Variants in SOX5 observed in about 807,000 individuals in gnomAD.
The protein encoded by SOX5 is SRY-box transcription factor 5.
In SOX5, 9 loss-of-function variants were observed where a neutral mutation model predicts 92.0. That is an observed-to-expected ratio of 0.10 (90% CI 0.06 to 0.17). The LOEUF (loss-of-function observed/expected upper bound fraction) is 0.17, where lower values mean the gene tolerates loss of function less well. Ranked by LOEUF, SOX5 falls within the 10% of genes least tolerant of loss-of-function variation. The pLI is 1.00. For synonymous variants in SOX5, 344 were observed against 336.3 expected, an observed-to-expected ratio of 1.02 and a Z score of -0.25; for missense variants, 642 against 944.5, an observed-to-expected ratio of 0.68 and a Z score of 4.20.
At chr12:23,780,143 A>T (rs2141738120) in intron 3 of SOX5, among the ~76,000 whole-genome samples, 1 of 152,106 alleles carries the variant, frequency 6.6e-6, no homozygotes, top group South Asian at 2.1e-4. Flanking sequence ...CAATCTGAAT[A>T]CTGGACATTT....
Position 24,506,892 on chromosome 12 carries a change from A to G in SOX5, c.-251+55437T>C, listed in dbSNP as rs188142231. ...TGTAAGCTCCGCCTCCCGGGTTCACACCATTCTCCTGCCTCAGCCTCCCAA... is the reference window on the plus strand; with the variant it reads ...TGTAAGCTCCGCCTCCCGGGTTCACGCCATTCTCCTGCCTCAGCCTCCCAA... On this transcript the variant is annotated intron_variant, in intron 1 of 4. Transcript: ENST00000446891. Among the ~76,000 whole-genome samples the G allele has an allele frequency of 3.9e-3, 556 of 142,348 alleles. 4 individuals are homozygous for G. Among genetic ancestry groups the G allele is most frequent in the African/African-American group, 0.012 (457 of 37,832 alleles). 93.4% of individuals were successfully genotyped at this position (142,348 alleles called of 152,430 possible).
intron 6 of SOX5, among the ~76,000 whole-genome samples, chr12:23,733,507 G>A (rs751817650): frequency 1.3e-5 from 2 of 151,980 alleles, no homozygotes; most frequent in African/African-American, 2.4e-5. Context: ...AAATGTCCTC[G>A]GCTGGAACAT....
At chr12:23,689,988 G>C (rs187181575) in intron 6 of SOX5, among the ~76,000 whole-genome samples, 1 of 152,140 alleles carries the variant, frequency 6.6e-6, no homozygotes, top group African/African-American at 2.4e-5. Context: ...CATTCAACAT[G>C]AATAAAACTG....
intron 3 of SOX5, among the ~76,000 whole-genome samples, chr12:23,768,060 G>A (rs1273713185): frequency 6.6e-6 from 1 of 152,038 alleles, no homozygotes; most frequent in African/African-American, 2.4e-5. Flanking sequence ...TTCCTAATGA[G>A]TCACCCATTT....
intron 2 of SOX5, among the ~76,000 whole-genome samples, chr12:23,869,017 C>A (rs2096845174): frequency 6.6e-6 from 1 of 151,984 alleles, no homozygotes; most frequent in Non-Finnish European, 1.5e-5. Flanking sequence ...CAGGTCAGGC[C>A]CATTCTTATA....
intron 1 of SOX5, among the ~76,000 whole-genome samples, chr12:24,411,508 T>C (rs1964076484): frequency 6.6e-6 from 1 of 152,198 alleles, no homozygotes; most frequent in Non-Finnish European, 1.5e-5. Flanking sequence ...TGAGAGTTTT[T>C]CTCATAAATG....
At chr12:23,604,152 A>C in intron 9 of SOX5, 1 of 424,216 alleles carries the variant, frequency 2.4e-6, no homozygotes, top group East Asian at 3.7e-5. Flanking sequence ...AATCTTTTTT[A>C]TCTCTCACAT....
At chr12:24,342,656 A>G (rs376903768) in intron 2 of SOX5, among the ~76,000 whole-genome samples, 1 of 152,108 alleles carries the variant, frequency 6.6e-6, no homozygotes, top group East Asian at 1.9e-4. Context: ...GCCTTAGTTT[A>G]GAAATGCATC....
chr12:24,239,249 C>T (rs538263995), intron 3 of SOX5, among the ~76,000 whole-genome samples: 1 of 152,236 alleles, frequency 6.6e-6, no homozygotes, highest in African/African-American at 2.4e-5. Flanking sequence ...TTTACAAACG[C>T]TTAGAGTATA....
At chr12:23,672,205 A>C (rs558392712) in intron 6 of SOX5, among the ~76,000 whole-genome samples, 1 of 152,244 alleles carries the variant, frequency 6.6e-6, no homozygotes, top group South Asian at 2.1e-4. Flanking sequence ...CCAAAATACT[A>C]ACTTCCCCAC....
intron 1 of SOX5, among the ~76,000 whole-genome samples, chr12:24,500,488 T>A (rs191889729): frequency 4.0e-4 from 61 of 152,272 alleles, no homozygotes; most frequent in African/African-American, 1.4e-3. Flanking sequence ...TTGTATAAAC[T>A]GTTTGAATTG....
rs192888352 is a variant in SOX5, at chr12:24,410,793, C to G, written c.-250-42154G>C. 1.6e-3 allele frequency among the ~76,000 whole-genome samples: 238 copies of G among 152,238 alleles called. 1 individual carries two copies. Among genetic ancestry groups the G allele is most frequent in the Non-Finnish European group, 2.7e-3 (184 of 68,014 alleles). On this transcript the variant is annotated intron_variant, in intron 1 of 4. Transcript: ENST00000446891. The stretch of plus-strand genomic sequence containing the variant: ...CAAAGTTCTTTTAGCTATTCTAATT[C>G]CTTTGCTTTTCAGCTGAAATTTCAA...
At chr12:23,619,751 C>T (rs748432832) in intron 8 of SOX5, among the ~76,000 whole-genome samples, 3 of 152,072 alleles carry the variant, frequency 2.0e-5, no homozygotes, top group Non-Finnish European at 4.4e-5. Flanking sequence ...TGGCTACTGC[C>T]AGTAAAAACC....
intron 3 of SOX5, among the ~76,000 whole-genome samples, chr12:23,776,969 A>G (rs1334086249): frequency 6.6e-6 from 1 of 152,024 alleles, no homozygotes; most frequent in Non-Finnish European, 1.5e-5. Flanking sequence ...ATTTTCCTTT[A>G]TTTTTATAGC....
chr12:23,949,682 T>C, upstream of SOX5: 1 of 1,602,534 alleles, frequency 6.2e-7, no homozygotes, highest in East Asian at 2.3e-5. Context: ...AGTCCAAACC[T>C]TCTAAACCAA....
At chr12:23,980,234 T>C (rs532107747) in intron 4 of SOX5, among the ~76,000 whole-genome samples, 1 of 152,240 alleles carries the variant, frequency 6.6e-6, no homozygotes, top group African/African-American at 2.4e-5. Context: ...AGAGACTAAA[T>C]AGTAAGTAAA....
intron 2 of SOX5, among the ~76,000 whole-genome samples, chr12:24,336,560 A>C (rs1233058295): frequency 6.6e-6 from 1 of 152,236 alleles, no homozygotes; most frequent in African/African-American, 2.4e-5. Flanking sequence ...TGAAGACTCA[A>C]GCATATCATT....
intron 4 of SOX5, among the ~76,000 whole-genome samples, chr12:24,135,766 C>T (rs1442412759): frequency 6.6e-6 from 1 of 152,012 alleles, no homozygotes; most frequent in Non-Finnish European, 1.5e-5. Context: ...AATGAGAGTT[C>T]ATGAGGCCTG....
At chr12:23,901,105 T>C (rs2097226479) in intron 1 of SOX5, among the ~76,000 whole-genome samples, 1 of 152,228 alleles carries the variant, frequency 6.6e-6, no homozygotes, top group African/African-American at 2.4e-5. Context: ...GGGAGATTAT[T>C]CTGAATATTG....
Sources: gnomAD v4.1 joint callset for allele counts (sites outside exome capture counted in the v4.1 genomes callset) on GRCh38, gnomAD v4.1.1 for gene constraint, MANE v1.5 for transcripts, NCBI Gene and HGNC (gene_info 2026-07-23, HGNC 2026-07-21) for gene names.